Variants in DOCK1 observed in about 807,000 individuals in gnomAD.
The protein encoded by DOCK1 is dedicator of cytokinesis 1, also known as dedicator of cytokinesis protein 1.
Under a neutral mutation model 262.7 loss-of-function variants are expected in DOCK1, and 138 were observed. The observed-to-expected ratio is 0.53, with a 90% CI of 0.46 to 0.61. The LOEUF (loss-of-function observed/expected upper bound fraction) is 0.61. Ranked by LOEUF, DOCK1 falls within the 20% of genes least tolerant of loss-of-function variation. The pLI is 0.00. For missense variants in DOCK1, 1,908 were observed against 2,370.7 expected (o/e 0.80, Z 4.05); for synonymous variants, 866 against 867.4 (o/e 1.00, Z 0.03).
At chr10:127,240,196 A>G (rs1302547222) in intron 27 of DOCK1, among the ~76,000 whole-genome samples, 1 of 151,590 alleles carries the variant, frequency 6.6e-6, no homozygotes, top group Non-Finnish European at 1.5e-5. Flanking sequence ...TACAGGTTTA[A>G]TTTTGTTGTT....
At chr10:126,985,599 G>T (rs2039323683) in intron 4 of DOCK1, among the ~76,000 whole-genome samples, 2 of 152,132 alleles carry the variant, frequency 1.3e-5, no homozygotes, top group Admixed American at 1.3e-4. Flanking sequence ...TAGCCAGTGT[G>T]AGGAGCACCA....
At chr10:127,121,314 G>A (rs2049550060) in intron 25 of DOCK1, among the ~76,000 whole-genome samples, 1 of 150,324 alleles carries the variant, frequency 6.7e-6, no homozygotes. Flanking sequence ...TGCCAAACCT[G>A]TAGAAATGAC....
intron 43 of DOCK1, among the ~76,000 whole-genome samples, chr10:127,411,503 C>T (rs150785463): frequency 4.5e-4 from 68 of 152,306 alleles, no homozygotes; most frequent in African/African-American, 1.5e-3. Flanking sequence ...TGAACACTGC[C>T]TACTAGGTGC....
At chr10:127,018,901 T>C in intron 13 of DOCK1, 66 bp downstream of exon 13, 1 of 1,596,102 alleles carries the variant, frequency 6.3e-7, no homozygotes, top group African/African-American at 1.3e-5. Context: ...GAGGATGACG[T>C]GTGGGCAGCA....
intron 29 of DOCK1, among the ~76,000 whole-genome samples, chr10:127,270,699 A>G (rs2135173321): frequency 6.6e-6 from 1 of 152,188 alleles, no homozygotes; most frequent in East Asian, 1.9e-4. Flanking sequence ...CTTCCTTTCC[A>G]ACAAGACTTC....
chr10:127,410,275 C>T (rs957025147), intron 42 of DOCK1, among the ~76,000 whole-genome samples: 15 of 152,160 alleles, frequency 9.9e-5, no homozygotes, highest in African/African-American at 2.7e-4. Context: ...CAAATAGTGA[C>T]GCTTAGAGCC....
rs1278664256 is a variant in DOCK1 at position 127,175,871 on chromosome 10, G to C, written c.2847+48107G>C. 1 of 1,614,176 alleles carries C rather than the reference G, an allele frequency of 6.2e-7. No individual in the cohort carries two copies. Among genetic ancestry groups the C allele is most frequent in the Non-Finnish European group, 8.5e-7 (1 of 1,180,034 alleles). On this transcript the variant is annotated intron_variant, in intron 27 of 51. Transcript: ENST00000623213. This position sits in a 1 kb window ranked among gnomAD's most constrained non-coding sequence, Gnocchi z 6.3. ...CTGTGTTCATGTGTTGGTTGGAATG[G>C]AAAACCAAGGCTGTGGTCTTGTGCA...
chr10:127,367,557 G>C (rs1435634566), intron 33 of DOCK1, among the ~76,000 whole-genome samples: 1 of 152,156 alleles, frequency 6.6e-6, no homozygotes, highest in Non-Finnish European at 1.5e-5. Flanking sequence ...GAAGGTCCCT[G>C]ATGCTAGTGG....
intron 23 of DOCK1, among the ~76,000 whole-genome samples, chr10:127,082,731 G>T (rs913059944): frequency 3.9e-4 from 60 of 152,100 alleles, no homozygotes; most frequent in African/African-American, 1.3e-3. Context: ...CTGTCTGGCT[G>T]GAGGGGAAGG....
chr10:127,138,027 A>AAG, intron 27 of DOCK1: 5 of 1,601,066 alleles, frequency 3.1e-6, no homozygotes, highest in South Asian at 2.3e-5. Context: ...CACACTAGAA[A>AAG]AGAGAGAGAG....
chr10:127,339,985 T>C (rs2063363011), intron 30 of DOCK1, among the ~76,000 whole-genome samples: 1 of 152,208 alleles, frequency 6.6e-6, no homozygotes. Context: ...GTTCACCCAT[T>C]GGGTGATCCA....
intron 22 of DOCK1, among the ~76,000 whole-genome samples, chr10:127,057,847 T>C (rs1424712701): frequency 6.6e-6 from 1 of 152,192 alleles, no homozygotes; most frequent in Non-Finnish European, 1.5e-5. Flanking sequence ...TTGCTATCAT[T>C]CCCTGGGTCA....
intron 29 of DOCK1, among the ~76,000 whole-genome samples, chr10:127,329,659 C>T (rs1245669246): frequency 2.0e-5 from 3 of 152,092 alleles, no homozygotes; most frequent in Admixed American, 2.0e-4. Context: ...TTCTCACTTC[C>T]TGATGTTCGC....
intron 27 of DOCK1, among the ~76,000 whole-genome samples, chr10:127,139,479 C>T (rs1564833398): frequency 6.6e-6 from 1 of 151,772 alleles, no homozygotes. Context: ...TTCGAAGAGC[C>T]TCTTTGAGTT....
chr10:127,384,648 T>C, intron 37 of DOCK1, 142 bp from the exon 38 acceptor site: 2 of 1,041,544 alleles, frequency 1.9e-6, no homozygotes, highest in Non-Finnish European at 2.5e-6. Flanking sequence ...GGCTCTGCCC[T>C]GGCAGTCCCC....
At chr10:127,129,789 G>A (rs964544514) in intron 27 of DOCK1, among the ~76,000 whole-genome samples, 6 of 152,182 alleles carry the variant, frequency 3.9e-5, no homozygotes, top group Admixed American at 3.3e-4. Flanking sequence ...TAGAGAGGCT[G>A]GGGATGACAT....
intron 8 of DOCK1, 185 bp downstream of exon 8, chr10:126,998,434 A>AG (rs1214001004): frequency 1.5e-6 from 1 of 667,598 alleles, no homozygotes; most frequent in Non-Finnish European, 2.5e-6. Flanking sequence ...GCTCTGGGTC[A>AG]GGGTGAACCT....
chr10:127,120,959 A>T (rs1039067134), intron 25 of DOCK1, among the ~76,000 whole-genome samples: 5 of 152,150 alleles, frequency 3.3e-5, no homozygotes, highest in Non-Finnish European at 5.9e-5. Flanking sequence ...TTCTCAGTCA[A>T]CCTGGGAGAC....
Position 127,023,191 on chromosome 10 carries a change from C to T in DOCK1, c.1328-9C>T. On this transcript the variant is annotated splice_polypyrimidine_tract_variant and intron_variant, in intron 13 of 51. Coordinates refer to ENST00000623213, the MANE Select transcript of DOCK1 (RefSeq NM_001290223.2). Reference sequence around the variant, plus strand: ...TTGTTTTTTAAATGTATGATTTCTCCCCCCTCAGGTGATGTTCGAAATGAT... The same window carrying T: ...TTGTTTTTTAAATGTATGATTTCTCTCCCCTCAGGTGATGTTCGAAATGAT... 12 of 1,611,460 alleles carry T rather than the reference C, an allele frequency of 7.4e-6. No homozygotes were observed. Among genetic ancestry groups the T allele is most frequent in the Non-Finnish European group, 9.3e-6 (11 of 1,178,866 alleles).
Sources: gnomAD v4.1 joint callset for allele counts (sites outside exome capture counted in the v4.1 genomes callset) on GRCh38, gnomAD v4.1.1 for gene constraint, Gnocchi (gnomAD v3.1) non-coding constraint, MANE v1.5 for transcripts, NCBI Gene and HGNC (gene_info 2026-07-23, HGNC 2026-07-21) for gene names.